Variants in PVT1 observed in about 807,000 individuals in gnomAD.
PVT1 encodes Pvt1 oncogene.
chr8:127,866,889 T>C (rs1184553533), intron 2 of PVT1, among the ~76,000 whole-genome samples: 1 of 152,190 alleles, frequency 6.6e-6, no homozygotes, highest in Non-Finnish European at 1.5e-5. Context: ...TCAAGGAGCC[T>C]TGGGCCGTGT....
intron 4 of PVT1, among the ~76,000 whole-genome samples, chr8:128,012,520 G>A (rs950961162): frequency 2.6e-5 from 4 of 152,194 alleles, no homozygotes; most frequent in African/African-American, 9.7e-5. Context: ...CAGAGCATTA[G>A]GGTTGCAGAC....
At chr8:127,808,015 G>A (rs1814546907) in intron 2 of PVT1, among the ~76,000 whole-genome samples, 2 of 151,566 alleles carry the variant, frequency 1.3e-5, no homozygotes, top group South Asian at 2.1e-4. Context: ...TGAGCCACCC[G>A]CCTCAGCCTC....
chr8:128,036,047 G>C (rs775031651), intron 4 of PVT1, among the ~76,000 whole-genome samples: 3 of 152,212 alleles, frequency 2.0e-5, no homozygotes, highest in Non-Finnish European at 4.4e-5. Context: ...CTAATACAAT[G>C]TGTCCTTGCA....
At chr8:127,962,116 A>C (rs988279084) in intron 3 of PVT1, among the ~76,000 whole-genome samples, 23 of 152,236 alleles carry the variant, frequency 1.5e-4, no homozygotes, top group Non-Finnish European at 1.5e-5. Flanking sequence ...CTGGGCCTGC[A>C]GGGGCACTCC....
At chr8:127,990,998 G>C (rs780561626) in intron 4 of PVT1, among the ~76,000 whole-genome samples, 1 of 152,162 alleles carries the variant, frequency 6.6e-6, no homozygotes, top group Non-Finnish European at 1.5e-5. Context: ...CCATTGTTTA[G>C]AGCTCAGCAC....
chr8:128,009,924 C>G (rs1308294534), intron 4 of PVT1, among the ~76,000 whole-genome samples: 1 of 152,174 alleles, frequency 6.6e-6, no homozygotes, highest in Non-Finnish European at 1.5e-5. Context: ...AATCATAGCT[C>G]AATACAGCAT....
intron 2 of PVT1, among the ~76,000 whole-genome samples, chr8:127,811,277 G>C (rs1237572448): frequency 1.3e-5 from 2 of 152,170 alleles, no homozygotes; most frequent in East Asian, 1.9e-4. Context: ...AAACTCTCCT[G>C]ATTTTTAAAT....
In PVT1 at chr8:127,904,658, A is replaced by G. The variant is rs149097930; in HGVS notation, n.782+13660A>G. ...CTCACACTCATGAAGTGTTGAGTGTATGGGTCCCTGGCCAGCTTTGGCAAC... is the reference window on the plus strand; with the variant it reads ...CTCACACTCATGAAGTGTTGAGTGTGTGGGTCCCTGGCCAGCTTTGGCAAC... On this transcript the variant is annotated intron_variant and non_coding_transcript_variant, in intron 3 of 10. Transcript: ENST00000651587. Among the ~76,000 whole-genome samples the G allele has an allele frequency of 3.5e-4, 53 of 152,292 alleles. No individual in the cohort carries two copies. The East Asian group carries it at 9.3e-3, about 27-fold the overall frequency.
Position 128,086,949 on chromosome 8 carries a change from C to T in PVT1, n.1115-9569C>T, listed in dbSNP as rs370355108. ...TGACTCTATGATTTACAGCTATGTCCTTGGACAAATGTCTTAGCTTTCCTG... is the reference window on the plus strand; with the variant it reads ...TGACTCTATGATTTACAGCTATGTCTTTGGACAAATGTCTTAGCTTTCCTG... On this transcript the variant is annotated intron_variant and non_coding_transcript_variant, in intron 5 of 10. Transcript: ENST00000651587. Among the ~76,000 whole-genome samples, 7 of 152,342 alleles carry T rather than the reference C, an allele frequency of 4.6e-5. No homozygotes were observed. The South Asian group carries it at 1.4e-3, about 32-fold the overall frequency.
chr8:128,023,294 G>A (rs1415507200), intron 4 of PVT1, among the ~76,000 whole-genome samples: 1 of 152,156 alleles, frequency 6.6e-6, no homozygotes, highest in African/African-American at 2.4e-5. Flanking sequence ...ACATAACTCA[G>A]GTGCTCTAAT....
At chr8:128,070,482 C>T (rs1019456191) in intron 5 of PVT1, 1 of 152,196 alleles carries the variant, frequency 6.6e-6, no homozygotes, top group Non-Finnish European at 1.5e-5. Context: ...CCTCTGTCCT[C>T]GCCAGCACCT....
intron 2 of PVT1, among the ~76,000 whole-genome samples, chr8:127,877,829 G>A (rs939008326): frequency 1.3e-5 from 2 of 152,108 alleles, no homozygotes; most frequent in South Asian, 2.1e-4. Context: ...TGGAGGCTGA[G>A]GTGGGAGAAT....
At chr8:128,035,744 C>T (rs989737505) in intron 4 of PVT1, among the ~76,000 whole-genome samples, 9 of 152,064 alleles carry the variant, frequency 5.9e-5, no homozygotes, top group Admixed American at 5.2e-4. Flanking sequence ...ATTAGTGGTT[C>T]CTTATTAGAG....
chr8:127,831,621 G>A (rs928736300), intron 2 of PVT1, among the ~76,000 whole-genome samples: 1 of 152,190 alleles, frequency 6.6e-6, no homozygotes, highest in East Asian at 1.9e-4. Context: ...AGGGGTAGAA[G>A]TTGGGGAGCT....
chr8:127,969,373 G>A (rs1816737737), intron 3 of PVT1, among the ~76,000 whole-genome samples: 1 of 152,024 alleles, frequency 6.6e-6, no homozygotes, highest in South Asian at 2.1e-4. Context: ...GATTCTCCCT[G>A]GCCGAGAGCT....
chr8:127,799,189 G>A (rs1423702252), intron 2 of PVT1, among the ~76,000 whole-genome samples: 1 of 151,634 alleles, frequency 6.6e-6, no homozygotes, highest in African/African-American at 2.4e-5. Context: ...ATCACTGACT[G>A]TGAAATTCTT....
intron 5 of PVT1, among the ~76,000 whole-genome samples, chr8:128,076,173 C>T (rs1489026760): frequency 6.6e-6 from 1 of 152,150 alleles, no homozygotes; most frequent in Non-Finnish European, 1.5e-5. Flanking sequence ...AGCTGGGTTT[C>T]CTTGAGCAGA....
intron 4 of PVT1, among the ~76,000 whole-genome samples, chr8:128,045,642 T>C (rs997475873): frequency 3.9e-5 from 6 of 152,164 alleles, no homozygotes; most frequent in African/African-American, 1.4e-4. Flanking sequence ...TGGAAGGGTG[T>C]GTTACAAAAG....
chr8:127,895,068 C>A (rs1390625607), intron 3 of PVT1, among the ~76,000 whole-genome samples: 2 of 152,176 alleles, frequency 1.3e-5, no homozygotes, highest in Non-Finnish European at 2.9e-5. Context: ...TCAGTCAATT[C>A]CTGAGTTAAT....
Sources: allele counts gnomAD v4.1 joint callset (sites outside exome capture counted in the v4.1 genomes callset), GRCh38; gene constraint gnomAD v4.1.1; transcripts MANE v1.5; gene names NCBI Gene and HGNC (gene_info 2026-07-23, HGNC 2026-07-21).